The following ACOT9 variants were observed in gnomAD, a reference collection of about 807,000 sequenced individuals.
ACOT9 encodes acyl-coenzyme A thioesterase 9, mitochondrial.
ACOT9 carries 34 observed loss-of-function variants against 39.7 expected under a neutral mutation model. The observed-to-expected ratio is 0.86, with a 90% confidence interval of 0.65 to 1.14. The LOEUF is 1.14. ACOT9 is among the 50% of genes most tolerant of loss of function. The pLI, the probability that ACOT9 is intolerant of heterozygous loss-of-function variation, is 0.00. For synonymous variants in ACOT9, 110 were observed against 120.5 expected (o/e 0.91, Z 0.57); for missense variants, 313 against 344.1 (o/e 0.91, Z 0.71).
intron 9 of ACOT9, among the ~76,000 whole-genome samples, 184 bp downstream of exon 9, chrX:23,712,951 C>T (rs112288220): frequency 1.5e-3 from 171 of 111,663 alleles, no homozygotes; most frequent in African/African-American, 5.3e-3. Context: ...AAAAGATGCC[C>T]GAAGTATTTA....
intron 10 of ACOT9, chrX:23,707,148 A>C (rs1186655529): frequency 8.6e-6 from 1 of 115,690 alleles, no homozygotes; most frequent in Non-Finnish European, 1.8e-5. Flanking sequence ...GAAAAATTTT[A>C]ATTAGCCAGG....
intron 1 of ACOT9, among the ~76,000 whole-genome samples, chrX:23,738,041 G>A (rs1350780242): frequency 9.5e-6 from 1 of 105,649 alleles, no homozygotes; most frequent in Non-Finnish European, 1.9e-5. Flanking sequence ...CTAATTTTTT[G>A]TATTTTTAGT....
Position 23,703,762 on chromosome X carries a change from C to G in ACOT9, c.*132G>C, listed in dbSNP as rs1729570302. 1 of 496,599 alleles carries G rather than the reference C, an allele frequency of 2.0e-6. No homozygotes were observed. Among genetic ancestry groups the G allele is most frequent in the Admixed American group, 3.5e-5 (1 of 28,187 alleles). The allele number at this position is 496,599 out of a possible 1,213,427, so 40.9% of individuals were successfully genotyped here. On this transcript the variant is annotated 3_prime_UTR_variant, in exon 16 of 16. Transcript: ENST00000379303. ...CTCTCTTTCTGCTTTTCTGATCATC[C>G]TAAAGGCTGAATACATCCTCCTCCT...
chrX:23,738,208 C>T (rs1387562783), intron 1 of ACOT9, among the ~76,000 whole-genome samples: 2 of 109,984 alleles, frequency 1.8e-5, no homozygotes, highest in African/African-American at 3.3e-5. Context: ...TTTCTCAGAA[C>T]GTGATTTGAA....
intron 8 of ACOT9, among the ~76,000 whole-genome samples, chrX:23,716,134 C>T (rs1929070671): frequency 9.0e-6 from 1 of 111,563 alleles, no homozygotes; most frequent in African/African-American, 3.3e-5. Flanking sequence ...ACAGGTGTTA[C>T]ATGCTGGGAG....
At chrX:23,712,498 G>C (rs1194076412) in intron 9 of ACOT9, among the ~76,000 whole-genome samples, 1 of 108,053 alleles carries the variant, frequency 9.3e-6, no homozygotes, top group Admixed American at 1.0e-4. Context: ...TTTTATGTCT[G>C]TAAGTCTGTT....
At position 23,702,310 on chromosome X, in the gene ACOT9, G is replaced by A. The variant is rs1928511777; in HGVS notation, c.*1584C>T. 1 of 98,708 alleles carries A rather than the reference G, an allele frequency of 1.0e-5. No homozygotes were observed. Among genetic ancestry groups the A allele is most frequent in the African/African-American group, 3.8e-5 (1 of 26,325 alleles). 8.1% of individuals were successfully genotyped at this position (98,708 alleles called of 1,213,427 possible). On this transcript the variant is annotated 3_prime_UTR_variant, in exon 16 of 16. Coordinates refer to ENST00000379303, the MANE Select transcript of ACOT9 (RefSeq NM_001037171.2). ...GTTCTGTCACCCAGGCTGGAGTGCA[G>A]TGGCATGATCACAGCTCACTGCAAC... is the stretch of plus-strand genomic sequence containing the variant.
chrX:23,714,841 C>T (rs1929022748), intron 8 of ACOT9, among the ~76,000 whole-genome samples: 1 of 110,945 alleles, frequency 9.0e-6, no homozygotes, highest in South Asian at 3.8e-4. Context: ...TCTTGACCTC[C>T]TGAGCTCAAG....
chrX:23,729,238 T>C (rs766832456), intron 6 of ACOT9, among the ~76,000 whole-genome samples: 59 of 111,428 alleles, frequency 5.3e-4, no homozygotes, highest in African/African-American at 1.6e-3. Flanking sequence ...GAACAGAGCA[T>C]CCCTTCTGTG....
rs1928528321 is a variant in ACOT9, at chrX:23,702,866, C to G, written c.*1028G>C. On this transcript the variant is annotated 3_prime_UTR_variant, in exon 16 of 16. Transcript: ENST00000379303. Reference sequence around the variant, plus strand: ...GCCAAGGGCTGAGGATGGTGCCTATCTAGCACATGGCAATGCTCCATAAGC... The same window carrying G: ...GCCAAGGGCTGAGGATGGTGCCTATGTAGCACATGGCAATGCTCCATAAGC... The G allele has an allele frequency of 8.9e-6, 1 of 112,192 alleles. No individual in the cohort carries two copies. The highest frequency in any genetic ancestry group is 3.7e-4 in the South Asian group (1 of 2,735). The allele number at this position is 112,192 out of a possible 1,213,427, so 9.2% of individuals were successfully genotyped here.
intron 6 of ACOT9, among the ~76,000 whole-genome samples, chrX:23,726,980 C>T (rs1019320147): frequency 2.0e-5 from 1 of 48,807 alleles, no homozygotes; most frequent in Non-Finnish European, 3.2e-5. Flanking sequence ...CCACCACGCC[C>T]GGCTACTTTT....
At chrX:23,730,437 C>G in intron 6 of ACOT9, 90 bp downstream of exon 6, 1 of 716,425 alleles carries the variant, frequency 1.4e-6, no homozygotes, top group East Asian at 3.2e-5. Context: ...ATCATCTGTG[C>G]AGGTTAAAGA....
intron 9 of ACOT9, among the ~76,000 whole-genome samples, chrX:23,710,813 G>C (rs1281418091): frequency 9.2e-6 from 1 of 108,914 alleles, no homozygotes; most frequent in African/African-American, 3.3e-5. Context: ...GGGGCAACAA[G>C]AGTAAAACTC....
At chrX:23,741,312 C>T (rs1920961582) in intron 1 of ACOT9, among the ~76,000 whole-genome samples, 1 of 105,915 alleles carries the variant, frequency 9.4e-6, no homozygotes, top group Admixed American at 1.0e-4. Flanking sequence ...AATTTCTCTT[C>T]TGGACATATA....
intron 6 of ACOT9, 121 bp downstream of exon 6, chrX:23,730,406 T>G: frequency 1.7e-6 from 1 of 582,698 alleles, no homozygotes; most frequent in Non-Finnish European, 2.8e-6. Flanking sequence ...GTCCTTCTTT[T>G]TTTGTGCACT....
At chrX:23,722,630 C>T (rs753703116) in intron 7 of ACOT9, 40 bp downstream of exon 7, 14 of 910,010 alleles carry the variant, frequency 1.5e-5, no homozygotes, top group Non-Finnish European at 1.6e-6. Context: ...CTTGAAATTA[C>T]TAAGAATTCT....
At chrX:23,742,213 T>TGAGAGA (rs1190609377) in intron 1 of ACOT9, among the ~76,000 whole-genome samples, 7 of 68,909 alleles carry the variant, frequency 1.0e-4, no homozygotes, top group African/African-American at 3.0e-4. Flanking sequence ...AGTGAGTGAG[T>TGAGAGA]GAGAGAGAGA....
At chrX:23,706,500 G>A in intron 11 of ACOT9, 128 bp downstream of exon 11, 2 of 467,548 alleles carry the variant, frequency 4.3e-6, no homozygotes, top group Admixed American at 4.0e-5. Flanking sequence ...AGAGGTTGCA[G>A]TGAGCCAAGA....
At chrX:23,737,873 T>TC (rs1170037285) in intron 1 of ACOT9, among the ~76,000 whole-genome samples, 3 of 31,602 alleles carry the variant, frequency 9.5e-5, no homozygotes, top group African/African-American at 9.2e-4. Flanking sequence ...AATATTTGTC[T>TC]TTTTTTTTTT....
Sources: allele counts gnomAD v4.1 joint callset (sites outside exome capture counted in the v4.1 genomes callset), GRCh38; gene constraint gnomAD v4.1.1; transcripts MANE v1.5; gene names NCBI Gene and HGNC (gene_info 2026-07-23, HGNC 2026-07-21).